Variants in PRKCB observed in about 807,000 individuals in gnomAD.
PRKCB encodes the protein protein kinase C beta type.
A neutral mutation model predicts 81.5 loss-of-function variants in PRKCB; 13 were observed. The observed-to-expected ratio is 0.16, with a 90% CI of 0.10 to 0.25. PRKCB has a LOEUF of 0.25. Ranked by LOEUF, PRKCB falls within the 10% of genes least tolerant of loss-of-function variation. The pLI is 1.00. For missense variants in PRKCB, 509 were observed against 875.7 expected (o/e 0.58, Z 5.29); for synonymous variants, 335 against 321.4 (o/e 1.04, Z -0.45).
intron 16 of PRKCB, among the ~76,000 whole-genome samples, chr16:24,193,546 A>G (rs896711591): frequency 2.0e-5 from 3 of 152,092 alleles, no homozygotes; most frequent in African/African-American, 7.2e-5. Context: ...TCCTGGGCTC[A>G]AGTGATCCTC....
chr16:24,193,165 G>A (rs553487541), intron 16 of PRKCB, among the ~76,000 whole-genome samples: 7 of 151,786 alleles, frequency 4.6e-5, no homozygotes, highest in East Asian at 1.9e-4. Context: ...GGTCTTGGCC[G>A]GGTGCGGTGC....
At chr16:23,881,837 C>G (rs1411523147) in intron 2 of PRKCB, among the ~76,000 whole-genome samples, 6 of 151,818 alleles carry the variant, frequency 4.0e-5, no homozygotes, top group Non-Finnish European at 8.8e-5. Flanking sequence ...TTCTTCCTCC[C>G]CACCGAGCCT....
chr16:24,210,396 C>T (rs1968121010), intron 16 of PRKCB, among the ~76,000 whole-genome samples: 4 of 152,150 alleles, frequency 2.6e-5, no homozygotes, highest in Admixed American at 2.0e-4. Context: ...TTCCTCCCGA[C>T]ATCCAAAGGG....
intron 5 of PRKCB, among the ~76,000 whole-genome samples, chr16:24,065,883 G>T (rs952358127): frequency 6.6e-6 from 1 of 152,208 alleles, no homozygotes; most frequent in African/African-American, 2.4e-5. Context: ...CCCTTGGATA[G>T]AATTTGAAAC....
chr16:24,086,784 T>G (rs1966315684), intron 5 of PRKCB, among the ~76,000 whole-genome samples: 1 of 152,232 alleles, frequency 6.6e-6, no homozygotes, highest in Admixed American at 6.5e-5. Context: ...GACATTATTT[T>G]AAATCAATTT....
intron 7 of PRKCB, among the ~76,000 whole-genome samples, chr16:24,100,342 G>A (rs930908493): frequency 6.6e-6 from 1 of 152,158 alleles, no homozygotes; most frequent in African/African-American, 2.4e-5. Context: ...AGCGCCCACT[G>A]AAGTGGGACT....
chr16:24,065,071 A>AT, intron 5 of PRKCB, among the ~76,000 whole-genome samples: 1 of 147,818 alleles, frequency 6.8e-6, no homozygotes, highest in Middle Eastern at 3.6e-3. Context: ...ATATATATAT[A>AT]TTTTTCCCCC....
chr16:24,141,361 A>G (rs969806242), intron 9 of PRKCB, among the ~76,000 whole-genome samples: 4 of 151,940 alleles, frequency 2.6e-5, no homozygotes, highest in African/African-American at 9.7e-5. Flanking sequence ...TGCCTGGCTA[A>G]TTTTTGTATT....
chr16:24,199,675 T>C (rs1967927758), intron 16 of PRKCB, among the ~76,000 whole-genome samples: 2 of 152,270 alleles, frequency 1.3e-5, no homozygotes, highest in Admixed American at 6.5e-5. Context: ...TGCATTTTTG[T>C]CTGCATCAGG....
At chr16:23,922,103 G>T (rs933422855) in intron 2 of PRKCB, among the ~76,000 whole-genome samples, 1 of 152,204 alleles carries the variant, frequency 6.6e-6, no homozygotes, top group Admixed American at 6.5e-5. Flanking sequence ...TTGAATTCCA[G>T]CATGTTTAGA....
At chr16:24,053,764 T>C (rs1330255358) in intron 5 of PRKCB, among the ~76,000 whole-genome samples, 1 of 152,126 alleles carries the variant, frequency 6.6e-6, no homozygotes, top group African/African-American at 2.4e-5. Flanking sequence ...CCCTGTGGCA[T>C]GAGCATGTTC....
intron 2 of PRKCB, among the ~76,000 whole-genome samples, chr16:23,984,353 G>A (rs536491379): frequency 6.6e-6 from 1 of 152,284 alleles, no homozygotes; most frequent in South Asian, 2.1e-4. Context: ...ATGAGGTAGT[G>A]TACCTAGTCT....
At chr16:24,052,727 C>T (rs757877292) in intron 5 of PRKCB, among the ~76,000 whole-genome samples, 4 of 152,182 alleles carry the variant, frequency 2.6e-5, no homozygotes, top group Non-Finnish European at 4.4e-5. Flanking sequence ...GCAGCAAAGA[C>T]GACCAGACGT....
At chr16:24,152,709 A>G (rs890421294) in intron 9 of PRKCB, among the ~76,000 whole-genome samples, 2 of 152,194 alleles carry the variant, frequency 1.3e-5, no homozygotes, top group African/African-American at 4.8e-5. Flanking sequence ...GAGGAAGGAA[A>G]ATACATCCCT....
chr16:23,862,777 T>C (rs1272296413), intron 2 of PRKCB, among the ~76,000 whole-genome samples: 1 of 152,022 alleles, frequency 6.6e-6, no homozygotes, highest in Non-Finnish European at 1.5e-5. Flanking sequence ...TGACTCCATC[T>C]TGAGTAAGGG....
intron 2 of PRKCB, among the ~76,000 whole-genome samples, chr16:23,905,048 T>C (rs1419440589): frequency 8.2e-5 from 4 of 48,680 alleles, no homozygotes; most frequent in Admixed American, 6.2e-4. Context: ...TTTTCTTTTT[T>C]TTTTTTTTAA....
chr16:24,204,407 T>C (rs570621331), intron 16 of PRKCB, among the ~76,000 whole-genome samples: 1 of 152,254 alleles, frequency 6.6e-6, no homozygotes, highest in Admixed American at 6.5e-5. Flanking sequence ...TACTTGACCC[T>C]ATATGACCCT....
At position 24,214,739 on chromosome 16, in the gene PRKCB, A is replaced by G; in HGVS notation, c.1945A>G (p.Arg649Gly). ...VLTPPDQEVIRNIDQSEFEGF... is the reference protein window; with the variant it reads ...VLTPPDQEVIGNIDQSEFEGF... The stretch of plus-strand genomic sequence containing the variant: ...AACACCTCCCGACCAGGAAGTCATC[A>G]GGAATATTGACCAATCAGAATTCGA... Residue 649 changes from arginine to glycine, a missense_variant, in exon 17 of 17, where the codon AGG (arginine) becomes GGG (glycine). This residue lies in a region of PRKCB where 104 missense variants were observed against 160.5 expected (regional missense o/e 0.65). Transcript: ENST00000643927. 6.2e-7 allele frequency: 1 copy of G among 1,614,214 alleles called. No homozygotes were observed. Among genetic ancestry groups the G allele is most frequent in the Non-Finnish European group, 8.5e-7 (1 of 1,180,036 alleles).
chr16:23,924,704 A>G (rs925741170), intron 2 of PRKCB, among the ~76,000 whole-genome samples: 4 of 152,122 alleles, frequency 2.6e-5, no homozygotes, highest in Admixed American at 2.6e-4. Flanking sequence ...AGTTAATTCC[A>G]ATATATTGCA....
Sources: gnomAD v4.1 joint callset for allele counts (sites outside exome capture counted in the v4.1 genomes callset) on GRCh38, gnomAD v4.1.1 for gene constraint, gnomAD v4.1.1 regional missense constraint, MANE v1.5 for transcripts, NCBI Gene and HGNC (gene_info 2026-07-23, HGNC 2026-07-21) for gene names.